The following NALCN variants were observed in gnomAD, a reference collection of about 807,000 sequenced individuals.
The protein encoded by NALCN is sodium leak channel, non-selective, also known as sodium leak channel NALCN.
NALCN carries 111 observed loss-of-function variants against 225.3 expected under a neutral mutation model. That is an observed-to-expected ratio of 0.49 (90% CI 0.42 to 0.58). The LOEUF (loss-of-function observed/expected upper bound fraction) is 0.58, where lower values mean the gene tolerates loss of function less well. Ranked by LOEUF, NALCN falls within the 20% of genes least tolerant of loss-of-function variation. The pLI, the probability that NALCN is intolerant of heterozygous loss-of-function variation, is 0.00. For missense variants in NALCN, 1,378 were observed against 2,202.4 expected (o/e 0.63, Z 7.49); for synonymous variants, 764 against 769.0 (o/e 0.99, Z 0.11).
chr13:101,405,714 G>A (rs1437971331), intron 1 of NALCN, among the ~76,000 whole-genome samples: 2 of 152,166 alleles, frequency 1.3e-5, no homozygotes, highest in East Asian at 1.9e-4. Context: ...TGACTGCCTT[G>A]AGATTTCAAT....
intron 39 of NALCN, among the ~76,000 whole-genome samples, chr13:101,067,228 G>T (rs1481605530): frequency 1.4e-5 from 2 of 142,510 alleles, no homozygotes; most frequent in Non-Finnish European, 3.0e-5. Flanking sequence ...AGGGGTAGAG[G>T]AGGAGGAGGT....
At chr13:101,249,170 T>C (rs993530622) in intron 11 of NALCN, among the ~76,000 whole-genome samples, 1 of 152,156 alleles carries the variant, frequency 6.6e-6, no homozygotes, top group East Asian at 1.9e-4. Flanking sequence ...ATAGAGATTA[T>C]AAAAATCCTG....
intron 10 of NALCN, among the ~76,000 whole-genome samples, chr13:101,265,050 G>A (rs1182269544): frequency 6.6e-6 from 1 of 152,130 alleles, no homozygotes; most frequent in African/African-American, 2.4e-5. Flanking sequence ...TTTAGCCTAA[G>A]GAAGTCCATT....
intron 15 of NALCN, 65 bp downstream of exon 15, chr13:101,176,235 A>G (rs1038012439): frequency 3.2e-6 from 4 of 1,237,704 alleles, no homozygotes; most frequent in African/African-American, 3.1e-5. Context: ...AATATTGCCT[A>G]TAAGCAAATG....
intron 13 of NALCN, among the ~76,000 whole-genome samples, chr13:101,224,453 T>C (rs990407148): frequency 2.0e-5 from 3 of 152,186 alleles, no homozygotes; most frequent in Admixed American, 6.5e-5. Flanking sequence ...CCTAATCATA[T>C]CAACCTCACC....
At chr13:101,324,169 C>T (rs1457158648) in intron 7 of NALCN, among the ~76,000 whole-genome samples, 1 of 152,174 alleles carries the variant, frequency 6.6e-6, no homozygotes, top group Non-Finnish European at 1.5e-5. Flanking sequence ...CATTTGGTCA[C>T]CGCCAATTAG....
At chr13:101,284,585 T>C (rs1290545650) in intron 9 of NALCN, among the ~76,000 whole-genome samples, 2 of 152,198 alleles carry the variant, frequency 1.3e-5, no homozygotes, top group Non-Finnish European at 2.9e-5. Context: ...GTTATTTTAA[T>C]GGTAGAAGAT....
At chr13:101,389,951 G>A (rs866210117) in intron 3 of NALCN, among the ~76,000 whole-genome samples, 115 of 152,180 alleles carry the variant, frequency 7.6e-4, no homozygotes, top group African/African-American at 2.6e-3. Context: ...GTGTGGTGGT[G>A]CGTGCCTGTA....
At chr13:101,171,260 T>TTA (rs71121170) in intron 15 of NALCN, among the ~76,000 whole-genome samples, 36,815 of 148,820 alleles carry the variant, frequency 0.25, 5,287 homozygotes, top group Non-Finnish European at 0.33. Flanking sequence ...TATGTATAAT[T>TTA]TATGTCATGT....
chr13:101,308,870 G>A (rs531084178), intron 7 of NALCN, among the ~76,000 whole-genome samples: 1 of 152,094 alleles, frequency 6.6e-6, no homozygotes, highest in Admixed American at 6.5e-5. Context: ...TAAGTTACTG[G>A]CATACCAAGA....
At chr13:101,341,001 T>C (rs1451935504) in intron 7 of NALCN, among the ~76,000 whole-genome samples, 3 of 152,326 alleles carry the variant, frequency 2.0e-5, no homozygotes, top group East Asian at 3.9e-4. Flanking sequence ...CATATCTCTA[T>C]TATACATTTC....
At chr13:101,161,609 T>C (rs978738629) in intron 15 of NALCN, among the ~76,000 whole-genome samples, 1 of 152,184 alleles carries the variant, frequency 6.6e-6, no homozygotes, top group Admixed American at 6.5e-5. Flanking sequence ...TGGTGGCTCA[T>C]GCCTGTAATC....
In NALCN at chr13:101,100,657, T is replaced by C. The variant is rs1365175489; in HGVS notation, c.3162+127A>G. 6.7e-6 allele frequency: 4 copies of C among 593,316 alleles called. No individual in the cohort carries two copies. The Admixed American group carries it at 2.1e-4, about 31-fold the overall frequency. The allele number at this position is 593,316 out of a possible 1,614,324, so 36.8% of individuals were successfully genotyped here. A position where few individuals can be genotyped will look rare whatever the true frequency, so the allele number is the denominator to read the frequency against. On this transcript the variant is annotated intron_variant, in intron 27 of 43. Coordinates refer to ENST00000251127, the MANE Select transcript of NALCN (RefSeq NM_052867.4). Reference sequence around the variant, plus strand: ...GTACAGTGGTGAGATCATAGCTCACTGCAACCTTGACCTCCAGTTTCAAGT... The same window carrying C: ...GTACAGTGGTGAGATCATAGCTCACCGCAACCTTGACCTCCAGTTTCAAGT...
At chr13:101,190,968 A>G (rs2039655560) in intron 14 of NALCN, among the ~76,000 whole-genome samples, 1 of 152,232 alleles carries the variant, frequency 6.6e-6, no homozygotes, top group Non-Finnish European at 1.5e-5. Context: ...TCCATGTGAC[A>G]TCAGATAAAT....
intron 34 of NALCN, among the ~76,000 whole-genome samples, chr13:101,080,480 A>G (rs1267866313): frequency 6.8e-6 from 1 of 146,562 alleles, no homozygotes; most frequent in Non-Finnish European, 1.5e-5. Context: ...TAATAATTAA[A>G]TTATATAAAT....
At chr13:101,138,806 C>A (rs1433332985) in intron 17 of NALCN, among the ~76,000 whole-genome samples, 1 of 152,118 alleles carries the variant, frequency 6.6e-6, no homozygotes, top group Non-Finnish European at 1.5e-5. Context: ...AATCACCACT[C>A]TGCTTAAGGA....
intron 13 of NALCN, among the ~76,000 whole-genome samples, chr13:101,195,132 T>G (rs1334710421): frequency 1.3e-5 from 2 of 152,174 alleles, no homozygotes; most frequent in South Asian, 2.1e-4. Flanking sequence ...AAGAACAGTT[T>G]TGGGAAAATG....
intron 18 of NALCN, among the ~76,000 whole-genome samples, chr13:101,115,128 G>A (rs1029031416): frequency 2.0e-5 from 3 of 151,930 alleles, no homozygotes; most frequent in South Asian, 2.1e-4. Context: ...AAATAATCAC[G>A]GACAAAACAG....
chr13:101,336,259 T>G (rs771814901), intron 7 of NALCN, among the ~76,000 whole-genome samples: 4 of 152,134 alleles, frequency 2.6e-5, no homozygotes, highest in Non-Finnish European at 5.9e-5. Context: ...ATAAAACTGA[T>G]TTATGACCCA....
Sources: gnomAD v4.1 joint callset for allele counts (sites outside exome capture counted in the v4.1 genomes callset) on GRCh38, gnomAD v4.1.1 for gene constraint, MANE v1.5 for transcripts, NCBI Gene and HGNC (gene_info 2026-07-23, HGNC 2026-07-21) for gene names.